NFATC1: variants seen among roughly 807,000 people sequenced by gnomAD.
The protein encoded by NFATC1 is nuclear factor of activated T cells 1.
NFATC1 carries 22 observed loss-of-function variants against 76.0 expected under a neutral mutation model. The observed-to-expected ratio is 0.29, with a 90% CI of 0.21 to 0.41. NFATC1 has a LOEUF of 0.41. Among genes scored for constraint, NFATC1 ranks in the 10% least tolerant of loss-of-function variants. The probability of loss-of-function intolerance (pLI) is 1.00; values close to 1 mark genes in which losing one functional copy is unlikely to be tolerated. For missense variants in NFATC1, 1,357 were observed against 1,337.7 expected (o/e 1.01, Z -0.23); for synonymous variants, 704 against 613.1 (o/e 1.15, Z -2.19).
At chr18:79,425,964 C>T (rs1016531797) in intron 2 of NFATC1, among the ~76,000 whole-genome samples, 3 of 152,218 alleles carry the variant, frequency 2.0e-5, no homozygotes, top group African/African-American at 4.8e-5. Flanking sequence ...GGAATCCCAG[C>T]GCTTTGGGAG....
At chr18:79,450,379 ATAATT>A (rs1353337318) in intron 4 of NFATC1, among the ~76,000 whole-genome samples, 3 of 149,522 alleles carry the variant, frequency 2.0e-5, no homozygotes, top group Non-Finnish European at 4.4e-5. Flanking sequence ...AAATAATAGA[ATAATT>A]TATTCTAATT....
chr18:79,492,881 A>AAAAAG (rs1555918024), intron 9 of NFATC1, among the ~76,000 whole-genome samples: 10 of 146,136 alleles, frequency 6.8e-5, no homozygotes, highest in African/African-American at 2.7e-4. Flanking sequence ...CTCAAAAAAA[A>AAAAAG]AAAAGAAAAA....
chr18:79,470,502 C>G (rs1018554716), intron 8 of NFATC1: 3 of 152,234 alleles, frequency 2.0e-5, no homozygotes, highest in Admixed American at 6.5e-5. Flanking sequence ...TTTGTAAAGT[C>G]AAGTCTCATT....
At chr18:79,417,043 C>T (rs952440567) in intron 2 of NFATC1, among the ~76,000 whole-genome samples, 4 of 152,216 alleles carry the variant, frequency 2.6e-5, no homozygotes, top group South Asian at 4.1e-4. Flanking sequence ...CTGAGCAGGC[C>T]AGCAGGTGAC....
chr18:79,486,885 T>C lies in NFATC1; in HGVS notation c.2730T>C (p.Pro910=). The change falls in exon 9 of 10, where the codon CCT becomes CCC. Residue 910 remains proline, a synonymous_variant. Coordinates refer to ENST00000427363, the MANE Select transcript of NFATC1 (RefSeq NM_001278669.2). Reference sequence around the variant, plus strand: ...GTAGTCCTAATTTGGCCCCTATTCCTGTAACGGTCAAGCGAGAGCCTGAAG... The same window carrying C: ...GTAGTCCTAATTTGGCCCCTATTCCCGTAACGGTCAAGCGAGAGCCTGAAG... ...EDGSPNLAPI[P]VTVKREPEEL... The C allele has an allele frequency of 6.2e-7, 1 of 1,610,298 alleles. No homozygotes were observed. The highest frequency in any genetic ancestry group is 8.5e-7 in the Non-Finnish European group (1 of 1,178,880).
chr18:79,422,047 A>G (rs1193088457), intron 2 of NFATC1: 1 of 152,214 alleles, frequency 6.6e-6, no homozygotes, highest in Admixed American at 6.5e-5. Flanking sequence ...TTGTAGCTCC[A>G]AGTATTACCC....
At chr18:79,489,750 G>A (rs954044337) in intron 9 of NFATC1, among the ~76,000 whole-genome samples, 25 of 152,174 alleles carry the variant, frequency 1.6e-4, no homozygotes, top group South Asian at 8.3e-4. Flanking sequence ...GCCCAGGGCC[G>A]GTCCTGGGAC....
intron 9 of NFATC1, among the ~76,000 whole-genome samples, chr18:79,487,187 G>A (rs575884109): frequency 5.9e-5 from 9 of 152,366 alleles, no homozygotes; most frequent in Admixed American, 2.0e-4. Flanking sequence ...CTGGGCTGCA[G>A]ATCCTCCTGC....
At chr18:79,507,190 A>G (rs1434115267) in intron 9 of NFATC1, among the ~76,000 whole-genome samples, 1 of 152,232 alleles carries the variant, frequency 6.6e-6, no homozygotes, top group Non-Finnish European at 1.5e-5. Context: ...GACAGGCCCT[A>G]TCAGGCCCTC....
At chr18:79,467,293 T>C (rs9960080) in intron 7 of NFATC1, among the ~76,000 whole-genome samples, 157 bp from the exon 8 acceptor site, 26,474 of 144,818 alleles carry the variant, frequency 0.18, 3,132 homozygotes, top group African/African-American at 0.33. Flanking sequence ...AGTCCTGTGC[T>C]GCCGTGGAAA....
At chr18:79,507,408 G>A (rs186525542) in intron 9 of NFATC1, among the ~76,000 whole-genome samples, 5 of 152,368 alleles carry the variant, frequency 3.3e-5, no homozygotes, top group East Asian at 3.9e-4. Flanking sequence ...AGGCGTGGCC[G>A]GCAGGCTGTG....
At position 79,410,149 on chromosome 18, in the gene NFATC1, G is replaced by T. The variant is rs758079143; in HGVS notation, c.128-254G>T. On this transcript the variant is annotated intron_variant, in intron 1 of 9. Coordinates refer to ENST00000427363, the MANE Select transcript of NFATC1 (RefSeq NM_001278669.2). This position sits in a 1 kb window ranked among gnomAD's most constrained non-coding sequence, Gnocchi z 6.7. ...CCCTGGGAAGGACGTTCGGGGGCTT[G>T]TGCTGCTGTTAGGGGAGGAGGGGAG... 2 of 761,652 alleles carry T rather than the reference G, an allele frequency of 2.6e-6. No individual in the cohort carries two copies. Among genetic ancestry groups the T allele is most frequent in the Admixed American group, 1.7e-5 (1 of 58,480 alleles). The allele number at this position is 761,652 out of a possible 1,614,324, so 47.2% of individuals were successfully genotyped here.
chr18:79,447,916 G>A (rs1422955064), intron 3 of NFATC1, among the ~76,000 whole-genome samples: 3 of 152,244 alleles, frequency 2.0e-5, no homozygotes, highest in African/African-American at 7.2e-5. Context: ...CTCTCAAGAC[G>A]CTGATGAGCA....
chr18:79,527,576 A>G lies in NFATC1; in HGVS notation c.2831A>G (p.Ter944TrpextTer21). Residue 944 changes from the stop codon to tryptophan (W), a stop_lost, in exon 10 of 10, where the codon TAG becomes TGG. Coordinates refer to ENST00000427363, the MANE Select transcript of NFATC1 (RefSeq NM_001278669.2). ...NDLSSTSTHS[*>W] ...CTCTCCAGCACGAGCACCCACTCCTAGTTGCCACATTGGAGCACTCAGTTC... is the reference window on the plus strand; with the variant it reads ...CTCTCCAGCACGAGCACCCACTCCTGGTTGCCACATTGGAGCACTCAGTTC... 6.2e-7 allele frequency: 1 copy of G among 1,613,924 alleles called. No individual in the cohort carries two copies. Among genetic ancestry groups the G allele is most frequent in the Non-Finnish European group, 8.5e-7 (1 of 1,179,878 alleles).
intron 7 of NFATC1, among the ~76,000 whole-genome samples, chr18:79,463,448 C>T (rs1319667061): frequency 6.7e-6 from 1 of 148,358 alleles, no homozygotes; most frequent in African/African-American, 2.6e-5. Context: ...CAGCCTGTTC[C>T]CGTGTCCATA....
At chr18:79,525,982 C>T (rs1162926770) in intron 9 of NFATC1, among the ~76,000 whole-genome samples, 3 of 152,256 alleles carry the variant, frequency 2.0e-5, no homozygotes, top group Non-Finnish European at 4.4e-5. Flanking sequence ...TCCTGGGGGC[C>T]GCTGCACTCA....
intron 9 of NFATC1, among the ~76,000 whole-genome samples, chr18:79,520,626 A>G (rs866119538): frequency 2.9e-4 from 16 of 54,330 alleles, no homozygotes; most frequent in Middle Eastern, 0.022. Context: ...GGGGGCATCC[A>G]CTGATGTGTG....
intron 2 of NFATC1, among the ~76,000 whole-genome samples, chr18:79,428,947 A>C (rs2086489507): frequency 6.6e-6 from 1 of 152,188 alleles, no homozygotes; most frequent in Middle Eastern, 3.2e-3. Context: ...TGGGCTGGGC[A>C]CAGTGGCTCA....
At chr18:79,442,320 G>A (rs536935933) in intron 3 of NFATC1, among the ~76,000 whole-genome samples, 5 of 152,340 alleles carry the variant, frequency 3.3e-5, no homozygotes, top group South Asian at 2.1e-4. Flanking sequence ...CACCCTCGCC[G>A]AGGCGTCGGT....
Sources: allele counts gnomAD v4.1 joint callset (sites outside exome capture counted in the v4.1 genomes callset), GRCh38; gene constraint gnomAD v4.1.1; non-coding constraint Gnocchi (gnomAD v3.1); transcripts MANE v1.5; gene names NCBI Gene and HGNC (gene_info 2026-07-23, HGNC 2026-07-21).